Variants in DISC1 observed in about 807,000 individuals in gnomAD.
DISC1 encodes DISC1 scaffold protein.
In DISC1, 57 loss-of-function variants were observed where a neutral mutation model predicts 84.5. The ratio of observed to expected loss-of-function variants is 0.67; its 90% CI spans 0.55 to 0.84. The LOEUF is 0.84. Among genes scored for constraint, DISC1 ranks in the 40% least tolerant of loss-of-function variants. DISC1 has a pLI of 0.00. For missense variants in DISC1, 1,000 were observed against 1,057.8 expected (o/e 0.95, Z 0.76); for synonymous variants, 411 against 415.2 (o/e 0.99, Z 0.12).
chr1:231,888,266 G>A (rs1014055898), intron 9 of DISC1, among the ~76,000 whole-genome samples: 1 of 152,158 alleles, frequency 6.6e-6, no homozygotes, highest in Non-Finnish European at 1.5e-5. Context: ...GCGTCTGGAA[G>A]GCGTGCTGGC....
intron 8 of DISC1, among the ~76,000 whole-genome samples, chr1:231,807,728 G>A (rs1000055049): frequency 6.6e-6 from 1 of 152,194 alleles, no homozygotes; most frequent in African/African-American, 2.4e-5. Flanking sequence ...CTGGGTGACA[G>A]CCTCACTGTG....
intron 5 of DISC1, among the ~76,000 whole-genome samples, chr1:231,767,620 C>A (rs1421149051): frequency 6.6e-6 from 1 of 152,164 alleles, no homozygotes; most frequent in East Asian, 1.9e-4. Context: ...TCCATTTAAG[C>A]CAAATGCAGC....
At chr1:231,661,512 C>A (rs757567807) in intron 1 of DISC1, among the ~76,000 whole-genome samples, 1 of 152,134 alleles carries the variant, frequency 6.6e-6, no homozygotes, top group Non-Finnish European at 1.5e-5. Context: ...CTCTGAAATT[C>A]TTTCCTCCAC....
chr1:231,978,073 G>GT lies in DISC1; in HGVS notation c.2042+19195dup, dbSNP rs998258035. ...GTGTTCCTGTGGTCATTCACATGTGGTTTTTTTTTTCCTGTATTTTCCATA... is the reference window on the plus strand; with the variant it reads ...GTGTTCCTGTGGTCATTCACATGTGGTTTTTTTTTTTCCTGTATTTTCCATA... On this transcript the variant is annotated intron_variant, in intron 10 of 12. Coordinates refer to ENST00000439617, the MANE Select transcript of DISC1 (RefSeq NM_018662.3). 1.6e-3 allele frequency among the ~76,000 whole-genome samples: 245 copies of GT among 149,144 alleles called. 3 individuals are homozygous for GT. Among genetic ancestry groups the GT allele is most frequent in the African/African-American group, 2.2e-3 (90 of 40,708 alleles).
chr1:231,855,748 G>A (rs1403241042), intron 9 of DISC1, among the ~76,000 whole-genome samples: 7 of 151,964 alleles, frequency 4.6e-5, no homozygotes, highest in African/African-American at 1.5e-4. Flanking sequence ...TCTTCAGTTG[G>A]TCCATTTTCA....
At chr1:231,658,549 T>G (rs367975005) in intron 1 of DISC1, among the ~76,000 whole-genome samples, 2 of 152,182 alleles carry the variant, frequency 1.3e-5, no homozygotes, top group Non-Finnish European at 2.9e-5. Context: ...ACATCTTGTT[T>G]TGGGCTGTTT....
chr1:231,756,555 G>T (rs1343992308), intron 4 of DISC1, among the ~76,000 whole-genome samples: 1 of 137,512 alleles, frequency 7.3e-6, no homozygotes. Context: ...GAGAGAGAGA[G>T]AGAGAGAGAC....
At chr1:231,765,813 C>T (rs1558505460) in intron 4 of DISC1, among the ~76,000 whole-genome samples, 2 of 152,150 alleles carry the variant, frequency 1.3e-5, no homozygotes, top group Non-Finnish European at 2.9e-5. Flanking sequence ...TTTTGACAGT[C>T]TTTAGCAAAT....
intron 4 of DISC1, among the ~76,000 whole-genome samples, chr1:231,760,616 A>T (rs568699951): frequency 6.6e-6 from 1 of 152,304 alleles, no homozygotes; most frequent in African/African-American, 2.4e-5. Context: ...GGCACAAAGC[A>T]ATTTTTCTGG....
chr1:232,022,387 A>C (rs1338098250), intron 11 of DISC1, among the ~76,000 whole-genome samples: 1 of 150,566 alleles, frequency 6.6e-6, no homozygotes. Flanking sequence ...GGCTTACTGC[A>C]ACCTCCGCCT....
chr1:231,939,039 A>C (rs2091147195), intron 9 of DISC1, among the ~76,000 whole-genome samples: 1 of 152,200 alleles, frequency 6.6e-6, no homozygotes, highest in Non-Finnish European at 1.5e-5. Flanking sequence ...TTAAGATGAC[A>C]GCCCCCCTCC....
At chr1:231,873,262 G>A (rs768861753) in intron 9 of DISC1, among the ~76,000 whole-genome samples, 5 of 152,158 alleles carry the variant, frequency 3.3e-5, no homozygotes, top group East Asian at 1.9e-4. Flanking sequence ...TTAGTGCCCC[G>A]GTAAGAGAGG....
chr1:231,747,178 C>T (rs566081873), intron 3 of DISC1, among the ~76,000 whole-genome samples: 3 of 152,080 alleles, frequency 2.0e-5, no homozygotes, highest in African/African-American at 7.2e-5. Context: ...TGATCCTCCT[C>T]GTTTAGCCTC....
At chr1:231,913,520 G>GCT (rs1306951055) in intron 9 of DISC1, among the ~76,000 whole-genome samples, 1 of 152,176 alleles carries the variant, frequency 6.6e-6, no homozygotes, top group Non-Finnish European at 1.5e-5. Context: ...AGGTGCCTGG[G>GCT]CTGCACCATT....
intron 9 of DISC1, among the ~76,000 whole-genome samples, chr1:231,846,589 A>G (rs954272186): frequency 6.6e-6 from 1 of 152,234 alleles, no homozygotes; most frequent in Non-Finnish European, 1.5e-5. Flanking sequence ...AAAGGCAGGT[A>G]GACACTCACG....
chr1:231,638,457 G>A (rs909285906), intron 1 of DISC1, among the ~76,000 whole-genome samples: 3 of 152,016 alleles, frequency 2.0e-5, no homozygotes, highest in Admixed American at 1.3e-4. Context: ...CTTCTAGTAT[G>A]TTTATAGTTT....
At chr1:231,800,001 C>T (rs559208579) in intron 7 of DISC1, 107 bp from the exon 8 acceptor site, 2 of 740,724 alleles carry the variant, frequency 2.7e-6, no homozygotes, top group East Asian at 2.7e-5. Context: ...CTTTTCATCA[C>T]CCCTTTTAAT....
chr1:231,702,614 G>C (rs201988208), intron 3 of DISC1: 134 of 984,536 alleles, frequency 1.4e-4, no homozygotes, highest in Non-Finnish European at 1.3e-4. Flanking sequence ...CAGAGATAGA[G>C]GGACTGATCT....
Position 231,954,263 on chromosome 1 carries a change from C to T in DISC1, c.1982-4565C>T, listed in dbSNP as rs1659002923. Among the ~76,000 whole-genome samples the T allele has an allele frequency of 6.6e-6, 1 of 152,136 alleles. No homozygotes were observed. Among genetic ancestry groups the T allele is most frequent in the African/African-American group, 2.4e-5 (1 of 41,438 alleles). On this transcript the variant is annotated intron_variant, in intron 9 of 12. Coordinates refer to ENST00000439617, the MANE Select transcript of DISC1 (RefSeq NM_018662.3). This position sits in a 1 kb window ranked among gnomAD's most constrained non-coding sequence, Gnocchi z 4.8. The stretch of plus-strand genomic sequence containing the variant: ...ATCTCTGTGTCCCTGGAAGCCGTGT[C>T]CTTTTTCTATTTAATTAGTGCCAAG...
Sources: allele counts gnomAD v4.1 joint callset (sites outside exome capture counted in the v4.1 genomes callset), GRCh38; gene constraint gnomAD v4.1.1; non-coding constraint Gnocchi (gnomAD v3.1); transcripts MANE v1.5; gene names NCBI Gene and HGNC (gene_info 2026-07-23, HGNC 2026-07-21).